The following SBF2 variants were observed in gnomAD, a reference collection of about 807,000 sequenced individuals.
The protein encoded by SBF2 is SET binding factor 2.
A neutral mutation model predicts 225.2 loss-of-function variants in SBF2; 112 were observed. The ratio of observed to expected loss-of-function variants is 0.50; its 90% CI spans 0.43 to 0.58. The LOEUF (loss-of-function observed/expected upper bound fraction) is 0.58. Ranked by LOEUF, SBF2 falls within the 20% of genes least tolerant of loss-of-function variation. SBF2 has a pLI of 0.00. For missense variants in SBF2, 1,996 were observed against 2,206.2 expected, an observed-to-expected ratio of 0.90 and a Z score of 1.91; for synonymous variants, 763 against 773.3, an observed-to-expected ratio of 0.99 and a Z score of 0.22.
intron 1 of SBF2, among the ~76,000 whole-genome samples, chr11:10,198,166 G>C (rs558701270): frequency 6.6e-6 from 1 of 152,254 alleles, no homozygotes; most frequent in South Asian, 2.1e-4. Flanking sequence ...TCAATCAGAG[G>C]AATCACTACC....
intron 2 of SBF2, among the ~76,000 whole-genome samples, chr11:10,125,724 GTTT>G (rs1953717662): frequency 6.6e-6 from 1 of 152,146 alleles, no homozygotes. Context: ...TTTCCCCAGT[GTTT>G]CCACTAATGT....
chr11:10,269,853 C>T (rs1962327234), intron 1 of SBF2, among the ~76,000 whole-genome samples: 1 of 152,088 alleles, frequency 6.6e-6, no homozygotes, highest in Admixed American at 6.5e-5. Context: ...CCTCAAATTC[C>T]TGGTTTGAAA....
intron 2 of SBF2, among the ~76,000 whole-genome samples, chr11:10,141,176 T>A (rs1954623135): frequency 6.6e-6 from 1 of 152,178 alleles, no homozygotes; most frequent in Non-Finnish European, 1.5e-5. Context: ...AGCTACAGTG[T>A]CATGTTTTGT....
intron 1 of SBF2, among the ~76,000 whole-genome samples, chr11:10,207,229 T>C (rs557803662): frequency 6.6e-6 from 1 of 152,126 alleles, no homozygotes; most frequent in South Asian, 2.1e-4. Context: ...AACTATGAAT[T>C]CTATTTCCCA....
chr11:9,855,629 T>C (rs1369443334), intron 19 of SBF2, among the ~76,000 whole-genome samples: 2 of 152,102 alleles, frequency 1.3e-5, no homozygotes, highest in East Asian at 3.8e-4. Flanking sequence ...ACACTAGGAA[T>C]ACAGCAATGA....
chr11:9,914,587 A>G (rs893562574), intron 16 of SBF2, among the ~76,000 whole-genome samples: 1 of 152,204 alleles, frequency 6.6e-6, no homozygotes, highest in African/African-American at 2.4e-5. Context: ...TAAAACTCCT[A>G]GAAGGTTACA....
chr11:10,277,200 G>A (rs111274833), intron 1 of SBF2, among the ~76,000 whole-genome samples: 4,712 of 148,522 alleles, frequency 0.032, 218 homozygotes, highest in African/African-American at 0.1. Flanking sequence ...CGGGCAGATC[G>A]CTTGAGCCCG....
At chr11:10,020,902 T>C (rs1948829756) in intron 6 of SBF2, among the ~76,000 whole-genome samples, 3 of 151,868 alleles carry the variant, frequency 2.0e-5, no homozygotes, top group African/African-American at 4.8e-5. Context: ...ACAAAAACTT[T>C]TTTAAGAACT....
chr11:9,889,380 G>A (rs1177076390), intron 17 of SBF2, among the ~76,000 whole-genome samples: 1 of 152,058 alleles, frequency 6.6e-6, no homozygotes, highest in Non-Finnish European at 1.5e-5. Context: ...TAATAACTAG[G>A]TCTAAAAATT....
intron 32 of SBF2, among the ~76,000 whole-genome samples, chr11:9,802,191 T>C (rs1421460639): frequency 2.0e-5 from 3 of 152,242 alleles, no homozygotes; most frequent in Non-Finnish European, 2.9e-5. Context: ...AAATTTAATC[T>C]TTGTATATTG....
intron 27 of SBF2, 38 bp downstream of exon 27, chr11:9,832,186 G>A (rs1855440796): frequency 1.3e-6 from 2 of 1,562,238 alleles, no homozygotes; most frequent in African/African-American, 1.4e-5. Flanking sequence ...CTGTCCTTAT[G>A]TGAACGGGTG....
At chr11:10,070,556 C>T (rs1950823949) in intron 2 of SBF2, among the ~76,000 whole-genome samples, 1 of 152,214 alleles carries the variant, frequency 6.6e-6, no homozygotes, top group Non-Finnish European at 1.5e-5. Flanking sequence ...GTTTTGGTTA[C>T]TATAGCCTTG....
intron 28 of SBF2, among the ~76,000 whole-genome samples, chr11:9,826,708 G>GGT (rs1554913215): frequency 4.5e-5 from 6 of 133,914 alleles, no homozygotes; most frequent in Admixed American, 2.4e-4. Context: ...CTTAGTGTGT[G>GGT]GTGTGTATAT....
intron 16 of SBF2, among the ~76,000 whole-genome samples, chr11:9,941,799 AT>A (rs1333917219): frequency 3.3e-5 from 5 of 152,052 alleles, no homozygotes; most frequent in African/African-American, 1.2e-4. Flanking sequence ...AAGAAAAAAA[AT>A]ATATATATAA....
chr11:9,809,455 T>C (rs1192960210), intron 30 of SBF2, among the ~76,000 whole-genome samples: 1 of 152,130 alleles, frequency 6.6e-6, no homozygotes, highest in Non-Finnish European at 1.5e-5. Context: ...AGATTCTATG[T>C]GGACTTCCCA....
intron 9 of SBF2, 39 bp downstream of exon 9, chr11:9,998,227 A>T: frequency 8.4e-7 from 1 of 1,183,988 alleles, no homozygotes; most frequent in Non-Finnish European, 1.3e-6. Context: ...CTTCAGATTT[A>T]AATAAAGAGA....
At chr11:10,251,006 G>A (rs946412720) in intron 1 of SBF2, among the ~76,000 whole-genome samples, 2 of 152,106 alleles carry the variant, frequency 1.3e-5, no homozygotes. Context: ...TCTTATCTTC[G>A]AATATTTTTT....
intron 2 of SBF2, among the ~76,000 whole-genome samples, chr11:10,086,246 T>C (rs767429715): frequency 2.0e-5 from 3 of 150,564 alleles, no homozygotes; most frequent in Non-Finnish European, 3.0e-5. Flanking sequence ...ATGTTTTATA[T>C]GTCCTGGCCA....
chr11:9,875,960 T>G (rs1859196104), intron 17 of SBF2, among the ~76,000 whole-genome samples: 1 of 66,854 alleles, frequency 1.5e-5, no homozygotes, highest in South Asian at 4.4e-4. Flanking sequence ...ACCTCAGAGA[T>G]TTTTTTTTTT....
Sources: allele counts gnomAD v4.1 joint callset (sites outside exome capture counted in the v4.1 genomes callset), GRCh38; gene constraint gnomAD v4.1.1; transcripts MANE v1.5; gene names NCBI Gene and HGNC (gene_info 2026-07-23, HGNC 2026-07-21).